FCHO2: variants seen among roughly 807,000 people sequenced by gnomAD.
FCHO2 encodes F-BAR domain only protein 2.
Under a neutral mutation model 114.1 loss-of-function variants are expected in FCHO2, and 43 were observed. The observed-to-expected ratio is 0.38, with a 90% confidence interval of 0.30 to 0.49. The LOEUF (loss-of-function observed/expected upper bound fraction) is 0.49. FCHO2 is among the 20% of genes least tolerant of loss of function. The probability of loss-of-function intolerance (pLI) is 0.97; values close to 1 mark genes in which losing one functional copy is unlikely to be tolerated. For missense variants in FCHO2, 807 were observed against 950.4 expected (o/e 0.85, Z 1.98); for synonymous variants, 293 against 315.2 (o/e 0.93, Z 0.75).
At position 73,074,745 on chromosome 5, in the gene FCHO2, T is replaced by C; in HGVS notation, c.1583T>C (p.Val528Ala). 1 of 1,611,622 alleles carries C rather than the reference T, an allele frequency of 6.2e-7. No individual in the cohort carries two copies. Among genetic ancestry groups the C allele is most frequent in the African/African-American group, 1.3e-5 (1 of 74,962 alleles). ...AAGTTAATTGTGTATATTCTAGGTG[T>C]GTCACGGGGTCCCAGCCCTGTCAGC... ...LSAANTPTVG[V>A]SRGPSPVSLG... The change falls in exon 20 of 26, where the codon GTG becomes GCG. Residue 528 changes from valine to alanine, a missense_variant. By Grantham distance (64) the Val-to-Ala change is moderately conservative. Transcript: ENST00000430046.
chr5:72,975,121 T>C (rs1354506605), intron 2 of FCHO2, among the ~76,000 whole-genome samples: 2 of 152,178 alleles, frequency 1.3e-5, no homozygotes, highest in Non-Finnish European at 2.9e-5. Context: ...ACACCTAATA[T>C]AATCTTTTGT....
intron 1 of FCHO2, among the ~76,000 whole-genome samples, chr5:72,964,550 A>G (rs1396099188): frequency 1.3e-5 from 2 of 152,070 alleles, no homozygotes; most frequent in Admixed American, 1.3e-4. Flanking sequence ...ACACCTGGCA[A>G]ATTTGTAAAA....
chr5:73,039,395 C>T (rs190903165), intron 10 of FCHO2, among the ~76,000 whole-genome samples: 3 of 152,108 alleles, frequency 2.0e-5, no homozygotes, highest in Non-Finnish European at 2.9e-5. Flanking sequence ...CTCTTTGGAA[C>T]TTTAACACTT....
Position 73,088,086 on chromosome 5 carries a change from GT to G in FCHO2, c.2431del (p.Ter811AspfsTer36). Reference protein sequence around the residue: ...RFATGRYLADC With the variant: ...RFATGRYLADX Reference sequence around the variant, plus strand: ...TTTTCAGGACGATACCTGGCGGATTGTTGATGGACCTGGGAAAGTGATGTGG... The same window carrying G: ...TTTTCAGGACGATACCTGGCGGATTGTGATGGACCTGGGAAAGTGATGTGG... On this transcript the variant is annotated frameshift_variant, in exon 26 of 26. Coordinates refer to ENST00000430046, the MANE Select transcript of FCHO2 (RefSeq NM_138782.3). LOFTEE classifies it high-confidence loss of function. 1 of 1,613,520 alleles carries G rather than the reference GT, an allele frequency of 6.2e-7. No individual in the cohort carries two copies. Among genetic ancestry groups the G allele is most frequent in the Non-Finnish European group, 8.5e-7 (1 of 1,179,720 alleles).
intron 2 of FCHO2, among the ~76,000 whole-genome samples, chr5:72,972,398 C>T (rs1434588955): frequency 6.6e-6 from 1 of 152,026 alleles, no homozygotes; most frequent in African/African-American, 2.4e-5. Flanking sequence ...TTGTAGTTCT[C>T]CTTGAAGAGG....
At chr5:73,036,905 A>C (rs1756539524) in intron 9 of FCHO2, among the ~76,000 whole-genome samples, 1 of 152,164 alleles carries the variant, frequency 6.6e-6, no homozygotes, top group Non-Finnish European at 1.5e-5. Context: ...AAGAAAAGAA[A>C]ATTTTATCTA....
intron 2 of FCHO2, among the ~76,000 whole-genome samples, chr5:72,977,923 G>A (rs980419960): frequency 2.6e-5 from 4 of 152,092 alleles, no homozygotes; most frequent in African/African-American, 4.8e-5. Context: ...AAGATCAGAT[G>A]GTTGTAGATT....
chr5:72,997,065 C>A, intron 5 of FCHO2: 1 of 1,296,414 alleles, frequency 7.7e-7, no homozygotes. Flanking sequence ...CCCTTATCTT[C>A]TTGTCCTGGA....
intron 5 of FCHO2, among the ~76,000 whole-genome samples, chr5:72,993,998 A>T (rs1287174028): frequency 6.6e-6 from 1 of 152,232 alleles, no homozygotes; most frequent in Non-Finnish European, 1.5e-5. Flanking sequence ...AGATGGATTA[A>T]AGACTTAAAT....
At chr5:73,057,911 A>G (rs1757672103) in intron 16 of FCHO2, among the ~76,000 whole-genome samples, 1 of 152,190 alleles carries the variant, frequency 6.6e-6, no homozygotes, top group East Asian at 1.9e-4. Context: ...CTAACTTCAC[A>G]TGTTATCTTA....
At chr5:73,003,180 A>G (rs1754536678) in intron 5 of FCHO2, among the ~76,000 whole-genome samples, 1 of 151,338 alleles carries the variant, frequency 6.6e-6, no homozygotes, top group African/African-American at 2.4e-5. Flanking sequence ...AATTTATTTT[A>G]TTTTATTTTA....
chr5:73,039,123 G>C (rs1756677284), intron 10 of FCHO2, among the ~76,000 whole-genome samples: 1 of 152,190 alleles, frequency 6.6e-6, no homozygotes. Flanking sequence ...TTAAACCACT[G>C]TACCATCATC....
intron 8 of FCHO2, among the ~76,000 whole-genome samples, chr5:73,017,990 T>C (rs561299148): frequency 6.6e-6 from 1 of 152,256 alleles, no homozygotes; most frequent in Non-Finnish European, 1.5e-5. Flanking sequence ...CTTACAGTCC[T>C]CCAGATTTCT....
chr5:73,028,419 T>C (rs1756054938), intron 8 of FCHO2, among the ~76,000 whole-genome samples: 1 of 152,192 alleles, frequency 6.6e-6, no homozygotes, highest in Non-Finnish European at 1.5e-5. Context: ...GACTTGCATA[T>C]GAATGTTCAT....
At chr5:72,958,484 G>C (rs965766252) in intron 1 of FCHO2, among the ~76,000 whole-genome samples, 5 of 152,166 alleles carry the variant, frequency 3.3e-5, no homozygotes, top group African/African-American at 1.2e-4. Flanking sequence ...AATATCAATC[G>C]ACCAGAAATG....
At chr5:73,023,064 G>A (rs534523836) in intron 8 of FCHO2, among the ~76,000 whole-genome samples, 22 of 152,064 alleles carry the variant, frequency 1.4e-4, no homozygotes, top group Non-Finnish European at 3.2e-4. Flanking sequence ...ATTATAATTG[G>A]TCAGCATAGG....
At position 73,006,582 on chromosome 5, in the gene FCHO2, G is replaced by A. The variant is rs189000111; in HGVS notation, c.600+33G>A. The A allele has an allele frequency of 1.7e-5, 23 of 1,371,722 alleles. No individual in the cohort carries two copies. The Admixed American group carries it at 7.0e-4, about 42-fold the overall frequency. 85.0% of individuals were successfully genotyped at this position (1,371,722 alleles called of 1,614,324 possible). On this transcript the variant is annotated intron_variant, in intron 6 of 25. Coordinates refer to ENST00000430046, the MANE Select transcript of FCHO2 (RefSeq NM_138782.3). ...TTTTAAGGCTTCAGATTGAAAACAG[G>A]GCATTTATATTTGTGTATATTGATT...
intron 18 of FCHO2, among the ~76,000 whole-genome samples, chr5:73,064,968 CT>C (rs1757997348): frequency 2.0e-5 from 3 of 152,002 alleles, no homozygotes; most frequent in African/African-American, 7.2e-5. Context: ...CTTGTATGTA[CT>C]TTTTTTGTGT....
At chr5:72,959,581 A>C (rs558713202) in intron 1 of FCHO2, among the ~76,000 whole-genome samples, 71 of 152,284 alleles carry the variant, frequency 4.7e-4, no homozygotes, top group African/African-American at 1.5e-3. Flanking sequence ...TATTAATTTA[A>C]CTCTTCCCTC....
Sources: allele counts gnomAD v4.1 joint callset (sites outside exome capture counted in the v4.1 genomes callset), GRCh38; gene constraint gnomAD v4.1.1; transcripts MANE v1.5; gene names NCBI Gene and HGNC (gene_info 2026-07-23, HGNC 2026-07-21).